BCL9L: variants seen among roughly 807,000 people sequenced by gnomAD.
The protein encoded by BCL9L is B-cell CLL/lymphoma 9-like protein.
Under a neutral mutation model 99.4 loss-of-function variants are expected in BCL9L, and 19 were observed. The ratio of observed to expected loss-of-function variants is 0.19; its 90% CI spans 0.13 to 0.28. The LOEUF is 0.28. BCL9L is among the 10% of genes least tolerant of loss of function. The probability of loss-of-function intolerance (pLI) is 1.00; values close to 1 mark genes in which losing one functional copy is unlikely to be tolerated. For missense variants in BCL9L, 2,023 were observed against 2,101.6 expected (o/e 0.96, Z 0.73); for synonymous variants, 900 against 854.8 (o/e 1.05, Z -0.92).
chr11:118,902,105 C>A lies in BCL9L; in HGVS notation c.1638G>T (p.Leu546=). The A allele has an allele frequency of 6.2e-7, 1 of 1,614,054 alleles. No homozygotes were observed. Residue 546 remains leucine (L), a synonymous_variant, in exon 8 of 10, where the codon CTG becomes CTT. Transcript: ENST00000683865. The surrounding 1 kb of genome is among the most constrained non-coding windows in gnomAD (Gnocchi z 7.8). ...EQIGLHGSRP[L]QDMMGMGGMM... is the part of the protein sequence containing the mutation. ...TGCCCCCCATGCCCATCATGTCCTG[C>A]AGAGGACGGCTCCCATGCAGCCCAA...
rs1941148347 is a variant in BCL9L, at chr11:118,921,779, C to T, written c.-130-2900G>A. ...CAGAGGGAACCTGTCTGTGTCCTTT[C>T]CCCTACTCCTGGGCAGTGGTGACCA... On this transcript the variant is annotated intron_variant, in intron 1 of 9. Transcript: ENST00000683865. This position sits in a 1 kb window ranked among gnomAD's most constrained non-coding sequence, Gnocchi z 5.4. Among the ~76,000 whole-genome samples, 1 of 152,052 alleles carries T rather than the reference C, an allele frequency of 6.6e-6. No homozygotes were observed. Among genetic ancestry groups the T allele is most frequent in the South Asian group, 2.1e-4 (1 of 4,814 alleles).
Position 118,900,150 on chromosome 11 carries a change from G to A in BCL9L, c.3173C>T (p.Ala1058Val). The A allele has an allele frequency of 1.2e-6, 2 of 1,612,646 alleles. No individual in the cohort carries two copies. Among genetic ancestry groups the A allele is most frequent in the Non-Finnish European group, 1.7e-6 (2 of 1,179,052 alleles). ...GPRSSSSAPP[A>V]NPPSGLMNPS... is the part of the protein sequence containing the mutation. ...GTTCATGAGGCCGCTGGGAGGGTTGGCGGGAGGTGCTGAGGAGCTGCTCCG... is the reference window on the plus strand; with the variant it reads ...GTTCATGAGGCCGCTGGGAGGGTTGACGGGAGGTGCTGAGGAGCTGCTCCG... Residue 1058 changes from alanine to valine, a missense_variant, in exon 9 of 10, where the codon GCC (alanine) becomes GTC (valine). By Grantham distance (64) the Ala-to-Val change is moderately conservative (BLOSUM62 0). Coordinates refer to ENST00000683865, the MANE Select transcript of BCL9L (RefSeq NM_001378213.1). The surrounding 1 kb of genome is among the most constrained non-coding windows in gnomAD (Gnocchi z 5.3).
Position 118,901,711 on chromosome 11 carries a change from G to T in BCL9L, c.2032C>A (p.Leu678Met), listed in dbSNP as rs529047652. The change falls in exon 8 of 10, where the codon CTG (leucine) becomes ATG (methionine). Residue 678 changes from leucine to methionine, a missense_variant. Leu to Met is a conservative substitution (Grantham distance 15). Around this residue, in one of 3 missense-constraint regions of BCL9L, gnomAD observed 1,116 missense variants for 1,194.6 expected, o/e 0.93. Transcript: ENST00000683865. The surrounding 1 kb of genome is among the most constrained non-coding windows in gnomAD (Gnocchi z 6.6). ...TTCTCCAGCAGCTGGTGCCGCAGCA[G>T]CTCCTCACGGACCCGGGGAGTCATG... ...RFMTPRVREELLRHQLLEKRS... is the reference protein window; with the variant it reads ...RFMTPRVREEMLRHQLLEKRS... 22 of 1,613,648 alleles carry T rather than the reference G, an allele frequency of 1.4e-5. No homozygotes were observed. In the African/African-American group the frequency reaches 1.7e-4, roughly 13 times the overall value.
chr11:118,915,715 C>T (rs1940944474), intron 2 of BCL9L, among the ~76,000 whole-genome samples: 1 of 152,224 alleles, frequency 6.6e-6, no homozygotes, highest in Non-Finnish European at 1.5e-5. Context: ...CCCTGCCTGC[C>T]CCTTGGCAGT....
Position 118,922,429 on chromosome 11 carries a change from GT to G in BCL9L, c.-131+2808del, listed in dbSNP as rs979047554. On this transcript the variant is annotated intron_variant, in intron 1 of 9. Transcript: ENST00000683865. This position sits in a 1 kb window ranked among gnomAD's most constrained non-coding sequence, Gnocchi z 6.2. ...AGCCCCATCCCGGCTCCTCTGGCCA[GT>G]TAGAGCTTCCCTTCCTCAGTTCCCT... Among the ~76,000 whole-genome samples the G allele has an allele frequency of 1.3e-5, 2 of 152,228 alleles. No homozygotes were observed. The highest frequency in any genetic ancestry group is 2.9e-5 in the Non-Finnish European group (2 of 68,016).
rs1227144697 is a variant in BCL9L, at chr11:118,921,592, T to C, written c.-130-2713A>G. On this transcript the variant is annotated intron_variant, in intron 1 of 9. Transcript: ENST00000683865. This position sits in a 1 kb window ranked among gnomAD's most constrained non-coding sequence, Gnocchi z 5.4. ...GAACGGACAGAGGGAGTCCCAGCTC[T>C]GGTGGAAGGGGGCCTAGAATAAAAC... Among the ~76,000 whole-genome samples, 2 of 151,802 alleles carry C rather than the reference T, an allele frequency of 1.3e-5. No individual in the cohort carries two copies. The highest frequency in any genetic ancestry group is 2.4e-5 in the African/African-American group (1 of 41,352).
rs1026066590 is a variant in BCL9L, at chr11:118,900,247, G to T, written c.3125-49C>A. The T allele has an allele frequency of 4.6e-6, 7 of 1,515,020 alleles. No homozygotes were observed. Among genetic ancestry groups the T allele is most frequent in the Admixed American group, 2.1e-5 (1 of 48,398 alleles). 93.8% of individuals were successfully genotyped at this position (1,515,020 alleles called of 1,614,324 possible). A position where few individuals can be genotyped will look rare whatever the true frequency, so the allele number is the denominator to read the frequency against. On this transcript the variant is annotated intron_variant, in intron 8 of 9. Transcript: ENST00000683865. This position sits in a 1 kb window ranked among gnomAD's most constrained non-coding sequence, Gnocchi z 5.3. ...GAGCAGGGGTGACTGGGGAGGGGCA[G>T]ATGAGTTTGGCTGTGGATATGGGGA...
rs552258350 is a variant in BCL9L, at chr11:118,904,308, G to A, written c.533-856C>T. On this transcript the variant is annotated intron_variant, in intron 5 of 9. Coordinates refer to ENST00000683865, the MANE Select transcript of BCL9L (RefSeq NM_001378213.1). Reference sequence around the variant, plus strand: ...ATACAAAAATTAACTGGGCATGGTGGCGCATGGCTGTAATCCCGCTACTCA... The same window carrying A: ...ATACAAAAATTAACTGGGCATGGTGACGCATGGCTGTAATCCCGCTACTCA... Among the ~76,000 whole-genome samples, 62 of 152,180 alleles carry A rather than the reference G, an allele frequency of 4.1e-4. No individual in the cohort carries two copies. In the South Asian group the frequency reaches 0.013, roughly 31 times the overall value.
At position 118,900,004 on chromosome 11, in the gene BCL9L, T is replaced by C. The variant is rs1431166225; in HGVS notation, c.3319A>G (p.Ile1107Val). The C allele has an allele frequency of 1.2e-6, 2 of 1,614,010 alleles. No individual in the cohort carries two copies. Among genetic ancestry groups the C allele is most frequent in the South Asian group, 2.2e-5 (2 of 91,076 alleles). The change falls in exon 9 of 10, where the codon ATC becomes GTC. Residue 1107 changes from isoleucine to valine, a missense_variant. Transcript: ENST00000683865. The surrounding 1 kb of genome is among the most constrained non-coding windows in gnomAD (Gnocchi z 5.3). ...PSSTPLYHNA[I>V]KTIATSDDEL... ...TCGTCTGAGGTGGCGATGGTCTTGA[T>C]GGCATTGTGGTAGAGCGGGGTGGAG...
In BCL9L at chr11:118,907,499, G is replaced by T; in HGVS notation, c.516C>A (p.Pro172=). Residue 172 remains proline (P), a synonymous_variant, in exon 5 of 10, where the codon CCC becomes CCA. Coordinates refer to ENST00000683865, the MANE Select transcript of BCL9L (RefSeq NM_001378213.1). ...GGCACTCACTGTGGGTGGCCCCAAT[G>T]GGCTTGTCGTCCTCCTCACTGTCCG... ...SGPDSEEDDK[P]IGATHNCNVA... 1 of 1,614,198 alleles carries T rather than the reference G, an allele frequency of 6.2e-7. No homozygotes were observed. Among genetic ancestry groups the T allele is most frequent in the Non-Finnish European group, 8.5e-7 (1 of 1,180,026 alleles).
At chr11:118,918,070 G>T (rs1037486892) in intron 2 of BCL9L, among the ~76,000 whole-genome samples, 3 of 152,246 alleles carry the variant, frequency 2.0e-5, no homozygotes, top group African/African-American at 7.2e-5. Flanking sequence ...GGTGGCTTCA[G>T]TGGAGAGGTT....
In BCL9L at chr11:118,901,503, C is replaced by A; in HGVS notation, c.2240G>T (p.Gly747Val). 6.2e-7 allele frequency: 1 copy of A among 1,613,940 alleles called. No individual in the cohort carries two copies. The highest frequency in any genetic ancestry group is 1.3e-5 in the African/African-American group (1 of 74,928). The change falls in exon 8 of 10, where the codon GGC (glycine) becomes GTC (valine). Residue 747 changes from glycine (G) to valine (V), a missense_variant. Gly to Val is a moderately radical substitution (Grantham distance 109). Coordinates refer to ENST00000683865, the MANE Select transcript of BCL9L (RefSeq NM_001378213.1). The surrounding 1 kb of genome is among the most constrained non-coding windows in gnomAD (Gnocchi z 6.6). ...PMGMEFGGGR[G>V]LLSPPMGQSG... ...CTGCCCCATGGGAGGGCTCAGGAGGCCCCGGCCTCCACCAAACTCCATGCC... is the reference window on the plus strand; with the variant it reads ...CTGCCCCATGGGAGGGCTCAGGAGGACCCGGCCTCCACCAAACTCCATGCC...
rs1047942986 is a variant in BCL9L at position 118,900,689 on chromosome 11, C to T, written c.3054G>A (p.Pro1018=). The T allele has an allele frequency of 1.5e-5, 25 of 1,613,502 alleles. No individual in the cohort carries two copies. The highest frequency in any genetic ancestry group is 2.2e-5 in the East Asian group (1 of 44,864). The change falls in exon 8 of 10, where the codon CCG becomes CCA. Residue 1018 remains proline, a synonymous_variant. Coordinates refer to ENST00000683865, the MANE Select transcript of BCL9L (RefSeq NM_001378213.1). The surrounding 1 kb of genome is among the most constrained non-coding windows in gnomAD (Gnocchi z 5.3). Reference sequence around the variant, plus strand: ...GCGGCTGCTTGTTCTGGGAGACCCCCGGGCTGGGCATGGCCGTCTTAGGTG... The same window carrying T: ...GCGGCTGCTTGTTCTGGGAGACCCCTGGGCTGGGCATGGCCGTCTTAGGTG... ...VASPKTAMPS[P]GVSQNKQPPL... is the part of the protein sequence containing the mutation.
At chr11:118,907,658 A>G in intron 4 of BCL9L, 56 bp from the exon 5 acceptor site, 1 of 1,598,022 alleles carries the variant, frequency 6.3e-7, no homozygotes, top group East Asian at 2.2e-5. Context: ...TTATTCTCCC[A>G]CACCCAGGGT....
At position 118,902,113 on chromosome 11, in the gene BCL9L, G is replaced by A. The variant is rs376035927; in HGVS notation, c.1630C>T (p.Arg544Cys). Residue 544 changes from arginine to cysteine, a missense_variant, in exon 8 of 10, where the codon CGT (arginine) becomes TGT (cysteine). By Grantham distance (180) the Arg-to-Cys change is radical. Around this residue, in one of 3 missense-constraint regions of BCL9L, gnomAD observed 1,116 missense variants for 1,194.6 expected, o/e 0.93. Coordinates refer to ENST00000683865, the MANE Select transcript of BCL9L (RefSeq NM_001378213.1). This position sits in a 1 kb window ranked among gnomAD's most constrained non-coding sequence, Gnocchi z 7.8. ...KEEQIGLHGS[R>C]PLQDMMGMGG... ...ATGCCCATCATGTCCTGCAGAGGAC[G>A]GCTCCCATGCAGCCCAATCTGTTCC... The A allele has an allele frequency of 9.3e-6, 15 of 1,613,870 alleles. No individual in the cohort carries two copies. The highest frequency in any genetic ancestry group is 1.7e-5 in the Admixed American group (1 of 59,996).
rs1941051967 is a variant in BCL9L, at chr11:118,918,806, G to A, written c.-77+20C>T. On this transcript the variant is annotated intron_variant, in intron 2 of 9. Coordinates refer to ENST00000683865, the MANE Select transcript of BCL9L (RefSeq NM_001378213.1). ...TCAGGGAGGCTGAGAGGGACACACA[G>A]GGGCACACAGACCTCTCACCTCAGG... is the stretch of plus-strand genomic sequence containing the variant. 6.6e-6 allele frequency: 1 copy of A among 152,230 alleles called. No homozygotes were observed. Among genetic ancestry groups the A allele is most frequent in the African/African-American group, 2.4e-5 (1 of 41,380 alleles). The allele number at this position is 152,230 out of a possible 1,614,324, so 9.4% of individuals were successfully genotyped here.
At position 118,900,220 on chromosome 11, in the gene BCL9L, G is replaced by A. The variant is rs748243426; in HGVS notation, c.3125-22C>T. The A allele has an allele frequency of 3.2e-6, 5 of 1,564,062 alleles. No individual in the cohort carries two copies. The highest frequency in any genetic ancestry group is 4.5e-5 in the East Asian group (2 of 44,362). ...GTACCTACAGAAACGGGGAGACAAA[G>A]AGAGCAGGGGTGACTGGGGAGGGGC... On this transcript the variant is annotated intron_variant, in intron 8 of 9. Transcript: ENST00000683865. The surrounding 1 kb of genome is among the most constrained non-coding windows in gnomAD (Gnocchi z 5.3).
Position 118,898,300 on chromosome 11 carries a change from T to TCCCCCCCCCCC in BCL9L, c.*114_*115insGGGGGGGGGGG. On this transcript the variant is annotated 3_prime_UTR_variant, in exon 10 of 10. Transcript: ENST00000683865. ...AATGCCACTCCCTACACAAGCCCCC[T>TCCCCCCCCCCC]CCCACCCCCTCCACCCCACCCCGCG... 5 of 185,482 alleles carry TCCCCCCCCCCC rather than the reference T, an allele frequency of 2.7e-5. No homozygotes were observed. Among genetic ancestry groups the TCCCCCCCCCCC allele is most frequent in the South Asian group, 1.4e-4 (3 of 21,478 alleles). The allele number at this position is 185,482 out of a possible 1,614,324, so 11.5% of individuals were successfully genotyped here. A position where few individuals can be genotyped will look rare whatever the true frequency, so the allele number is the denominator to read the frequency against.
Position 118,907,610 on chromosome 11 carries a change from G to GGCA in BCL9L, c.413-11_413-9dup. ...TACTCCGCGGCGCCACCTCTGCCCA[G>GGCA]GCAGGACGGAGGAAAGAGTGAGTGC... On this transcript the variant is annotated splice_polypyrimidine_tract_variant and intron_variant, in intron 4 of 9. Coordinates refer to ENST00000683865, the MANE Select transcript of BCL9L (RefSeq NM_001378213.1). 2.5e-6 allele frequency: 4 copies of GGCA among 1,611,128 alleles called. No individual in the cohort carries two copies. Among genetic ancestry groups the GGCA allele is most frequent in the Non-Finnish European group, 3.4e-6 (4 of 1,179,998 alleles).
Sources: allele counts gnomAD v4.1 joint callset (sites outside exome capture counted in the v4.1 genomes callset), GRCh38; gene constraint gnomAD v4.1.1; regional missense constraint gnomAD v4.1.1; non-coding constraint Gnocchi (gnomAD v3.1); transcripts MANE v1.5; gene names NCBI Gene and HGNC (gene_info 2026-07-23, HGNC 2026-07-21).